ZRANB3: variants seen among roughly 807,000 people sequenced by gnomAD.
ZRANB3 encodes the protein zinc finger RANBP2-type containing 3.
Under a neutral mutation model 133.8 loss-of-function variants are expected in ZRANB3, and 125 were observed. That is an observed-to-expected ratio of 0.93 (90% CI 0.81 to 1.08). ZRANB3 has a LOEUF of 1.08. Ranked by LOEUF, ZRANB3 falls within the 50% of genes least tolerant of loss-of-function variation. The pLI is 0.00. For synonymous variants in ZRANB3, 387 were observed against 432.7 expected (o/e 0.89, Z 1.31); for missense variants, 1,229 against 1,275.5 (o/e 0.96, Z 0.56).
At chr2:135,479,812 A>G (rs1691681472) in intron 2 of ZRANB3, among the ~76,000 whole-genome samples, 1 of 152,194 alleles carries the variant, frequency 6.6e-6, no homozygotes, top group African/African-American at 2.4e-5. Flanking sequence ...AATCAAATTA[A>G]TACTATTCAG....
rs765946694 is a variant in ZRANB3 at position 135,206,242 on chromosome 2, C to CT, written c.3009+1191dup. On this transcript the variant is annotated intron_variant, in intron 19 of 20. Transcript: ENST00000264159. The stretch of plus-strand genomic sequence containing the variant: ...ATTTGAACAAAGTAACTATAAAATA[C>CT]TTTTTTTTTTTTTTGGAGACAGAGT... 9.0e-3 allele frequency among the ~76,000 whole-genome samples: 1,304 copies of CT among 144,110 alleles called. 14 individuals carry two copies. Among genetic ancestry groups the CT allele is most frequent in the African/African-American group, 0.027 (1,065 of 39,566 alleles). The allele number at this position is 144,110 out of a possible 152,430, so 94.5% of individuals were successfully genotyped here. A position where few individuals can be genotyped will look rare whatever the true frequency, so the allele number is the denominator to read the frequency against.
At chr2:135,242,930 C>T (rs58183133) in intron 12 of ZRANB3, among the ~76,000 whole-genome samples, 29,164 of 151,986 alleles carry the variant, frequency 0.19, 3,758 homozygotes, top group African/African-American at 0.34. Context: ...GTTTTTTGTT[C>T]TGTTTTTACA....
chr2:135,343,010 C>CAAAAAAAAAAAAAAAAAAAA (rs11435525), intron 6 of ZRANB3, among the ~76,000 whole-genome samples: 1 of 55,228 alleles, frequency 1.8e-5, no homozygotes, highest in Non-Finnish European at 3.1e-5. Context: ...ACTAAAAATC[C>CAAAAAAAAAAAAAAAAAAAA]AAAAAAAAAA....
intron 12 of ZRANB3, among the ~76,000 whole-genome samples, chr2:135,231,240 G>A (rs765804149): frequency 2.0e-5 from 3 of 151,842 alleles, no homozygotes; most frequent in South Asian, 2.1e-4. Context: ...ATAACATTTC[G>A]GAAGAAACTG....
At chr2:135,313,682 C>T in intron 7 of ZRANB3, 77 bp from the exon 8 acceptor site, 1 of 875,134 alleles carries the variant, frequency 1.1e-6, no homozygotes, top group Non-Finnish European at 1.7e-6. Flanking sequence ...TGAATCATGT[C>T]CTACTTTTTT....
chr2:135,472,137 T>C (rs1691296173), intron 2 of ZRANB3, among the ~76,000 whole-genome samples: 1 of 152,310 alleles, frequency 6.6e-6, no homozygotes, highest in South Asian at 2.1e-4. Flanking sequence ...CATACTGTCA[T>C]AGATAACCTC....
intron 1 of ZRANB3, among the ~76,000 whole-genome samples, chr2:135,519,039 T>C (rs1693812733): frequency 6.6e-6 from 1 of 152,196 alleles, no homozygotes; most frequent in African/African-American, 2.4e-5. Flanking sequence ...TTTAATTCCA[T>C]TTATTATTTT....
chr2:135,416,567 C>T (rs1450651039), intron 2 of ZRANB3, among the ~76,000 whole-genome samples: 4 of 151,692 alleles, frequency 2.6e-5, no homozygotes, highest in African/African-American at 9.7e-5. Flanking sequence ...CCATCCCCAT[C>T]AAGCTACCAA....
chr2:135,265,288 T>C (rs1032818468), intron 12 of ZRANB3, among the ~76,000 whole-genome samples: 2 of 152,224 alleles, frequency 1.3e-5, no homozygotes, highest in African/African-American at 2.4e-5. Flanking sequence ...GTCATAAAGA[T>C]AGCCTCCTAT....
intron 3 of ZRANB3, among the ~76,000 whole-genome samples, chr2:135,384,952 C>T (rs556002531): frequency 6.6e-6 from 1 of 152,294 alleles, no homozygotes; most frequent in Non-Finnish European, 1.5e-5. Flanking sequence ...GATGCACTTT[C>T]TCACCACTCC....
At chr2:135,206,188 T>C (rs916523330) in intron 19 of ZRANB3, among the ~76,000 whole-genome samples, 2 of 152,090 alleles carry the variant, frequency 1.3e-5, no homozygotes, top group African/African-American at 4.8e-5. Flanking sequence ...TATAATCAAA[T>C]ATACTATGTG....
intron 2 of ZRANB3, among the ~76,000 whole-genome samples, chr2:135,453,031 G>A (rs1004634483): frequency 3.9e-5 from 6 of 152,260 alleles, no homozygotes; most frequent in African/African-American, 7.2e-5. Context: ...GCCTGGGCAT[G>A]CGGGTGTTTC....
At chr2:135,307,101 C>G (rs1682745073) in intron 8 of ZRANB3, among the ~76,000 whole-genome samples, 1 of 152,178 alleles carries the variant, frequency 6.6e-6, no homozygotes, top group Non-Finnish European at 1.5e-5. Context: ...CTCACTTACT[C>G]TGTTGTCCAG....
At chr2:135,435,947 C>T (rs1348690350) in intron 2 of ZRANB3, among the ~76,000 whole-genome samples, 1 of 152,108 alleles carries the variant, frequency 6.6e-6, no homozygotes, top group Non-Finnish European at 1.5e-5. Context: ...TTTCTCTTTA[C>T]TCTGTTGACA....
chr2:135,211,225 C>T (rs1016613260), intron 17 of ZRANB3, among the ~76,000 whole-genome samples: 5 of 151,948 alleles, frequency 3.3e-5, no homozygotes, highest in African/African-American at 1.2e-4. Context: ...TCACTAATTC[C>T]AGAATATTTT....
intron 2 of ZRANB3, among the ~76,000 whole-genome samples, chr2:135,405,049 A>T (rs1403594923): frequency 6.6e-6 from 1 of 152,172 alleles, no homozygotes; most frequent in Non-Finnish European, 1.5e-5. Context: ...GTCAAGACCC[A>T]TCAGTGTGCT....
chr2:135,403,401 G>A (rs1372449791), intron 2 of ZRANB3, among the ~76,000 whole-genome samples: 1 of 152,216 alleles, frequency 6.6e-6, no homozygotes, highest in Non-Finnish European at 1.5e-5. Context: ...CAGCAAGGCT[G>A]GGGGAGAGGC....
intron 8 of ZRANB3, among the ~76,000 whole-genome samples, chr2:135,295,878 TTTTC>T (rs1171380444): frequency 2.0e-5 from 3 of 152,252 alleles, no homozygotes; most frequent in Non-Finnish European, 2.9e-5. Context: ...TTGAAAATTC[TTTTC>T]TTTAAGAATG....
intron 2 of ZRANB3, among the ~76,000 whole-genome samples, chr2:135,403,708 G>C (rs891888562): frequency 5.3e-5 from 8 of 152,104 alleles, no homozygotes; most frequent in African/African-American, 1.7e-4. Context: ...CCCCGAGTAG[G>C]GGCAGACTGA....
Sources: gnomAD v4.1 joint callset for allele counts (sites outside exome capture counted in the v4.1 genomes callset) on GRCh38, gnomAD v4.1.1 for gene constraint, MANE v1.5 for transcripts, NCBI Gene and HGNC (gene_info 2026-07-23, HGNC 2026-07-21) for gene names.